PCDH15: variants seen among roughly 807,000 people sequenced by gnomAD.
The protein encoded by PCDH15 is protocadherin-15.
Under a neutral mutation model 178.5 loss-of-function variants are expected in PCDH15, and 129 were observed. The ratio of observed to expected loss-of-function variants is 0.72; its 90% CI spans 0.63 to 0.84. The LOEUF is 0.84. Ranked by LOEUF, PCDH15 falls within the 40% of genes least tolerant of loss-of-function variation. The pLI is 0.00. For missense variants in PCDH15, 2,230 were observed against 2,099.9 expected (o/e 1.06, Z -1.21); for synonymous variants, 800 against 732.0 (o/e 1.09, Z -1.50).
chr10:55,407,890 G>A lies in PCDH15; in HGVS notation c.-156+219735C>T, dbSNP rs547433036. Among the ~76,000 whole-genome samples, 26 of 152,208 alleles carry A rather than the reference G, an allele frequency of 1.7e-4. 1 individual carries two copies. The South Asian group carries it at 5.2e-3, about 30-fold the overall frequency. On this transcript the variant is annotated intron_variant, in intron 2 of 5. Coordinates refer to the PCDH15 transcript ENST00000613346. ...CTTCAACAAGGCCTTTTGACCAAAGGCTATCATCTCTAAGTCTCAAGGACA... is the reference window on the plus strand; with the variant it reads ...CTTCAACAAGGCCTTTTGACCAAAGACTATCATCTCTAAGTCTCAAGGACA...
At chr10:55,266,200 C>CT (rs144993545) in intron 1 of PCDH15, among the ~76,000 whole-genome samples, 38 of 149,054 alleles carry the variant, frequency 2.5e-4, no homozygotes, top group Admixed American at 9.3e-4. Flanking sequence ...CCTTATAAAA[C>CT]TTTTTTTTTT....
At chr10:55,624,873 T>C (rs1355032540) in intron 2 of PCDH15, among the ~76,000 whole-genome samples, 1 of 152,134 alleles carries the variant, frequency 6.6e-6, no homozygotes, top group African/African-American at 2.4e-5. Flanking sequence ...GTTACCTTTG[T>C]GAAGTTTTAT....
chr10:54,057,695 C>T (rs963625253), intron 18 of PCDH15, among the ~76,000 whole-genome samples: 1 of 151,878 alleles, frequency 6.6e-6, no homozygotes, highest in Admixed American at 6.5e-5. Context: ...GCATTTGGCT[C>T]CTCCTTACTT....
intron 19 of PCDH15, 74 bp from the exon 20 acceptor site, chr10:54,020,490 G>A (rs2092883839): frequency 7.2e-7 from 1 of 1,380,274 alleles, no homozygotes; most frequent in South Asian, 1.2e-5. Flanking sequence ...TGGAAGTCAT[G>A]CGTTAGTGCC....
chr10:55,570,360 G>A lies in PCDH15; in HGVS notation c.-156+57265C>T, dbSNP rs902492963. 2.6e-5 allele frequency among the ~76,000 whole-genome samples: 4 copies of A among 151,976 alleles called. No homozygotes were observed. In the East Asian group the frequency reaches 5.8e-4, roughly 22 times the overall value. On this transcript the variant is annotated intron_variant, in intron 2 of 5. Transcript: ENST00000613346. ...CATTTTAGAGCTAGTCTTCATAAGT[G>A]TCTAATACAACACTGGATGATTGTA...
chr10:54,278,873 T>C (rs1034477510), intron 8 of PCDH15, among the ~76,000 whole-genome samples: 1 of 151,656 alleles, frequency 6.6e-6, no homozygotes, highest in Non-Finnish European at 1.5e-5. Context: ...TTTACAAATC[T>C]GCACTTCAAT....
At chr10:53,886,099 G>GA (rs200588561) in intron 26 of PCDH15, among the ~76,000 whole-genome samples, 2,308 of 152,240 alleles carry the variant, frequency 0.015, 82 homozygotes, top group Admixed American at 0.076. Context: ...CAGGGAAAAA[G>GA]AACAACTCAG....
rs35819863 is a variant in PCDH15 at position 54,768,791 on chromosome 10, T to C, written c.-29+32134A>G. ...GTGTATCCCACCTTCCTTGACATTG[T>C]CCTTGTTAGTTTTCCAAACCCATGT... On this transcript the variant is annotated intron_variant, in intron 1 of 37. Transcript: ENST00000644397. Among the ~76,000 whole-genome samples, 196 of 152,246 alleles carry C rather than the reference T, an allele frequency of 1.3e-3. 1 individual carries two copies. The highest frequency in any genetic ancestry group is 3.6e-3 in the African/African-American group (149 of 41,556).
intron 13 of PCDH15, among the ~76,000 whole-genome samples, chr10:54,180,206 C>A (rs1267429147): frequency 6.6e-6 from 1 of 152,168 alleles, no homozygotes; most frequent in African/African-American, 2.4e-5. Flanking sequence ...GACCCATGTG[C>A]ATGAGAATCA....
chr10:53,874,566 C>G (rs1484305709), intron 26 of PCDH15, among the ~76,000 whole-genome samples: 1 of 152,134 alleles, frequency 6.6e-6, no homozygotes, highest in East Asian at 1.9e-4. Flanking sequence ...TAAGAGAAAT[C>G]ATCTATGACT....
chr10:54,142,810 A>G (rs1475460661), intron 14 of PCDH15, among the ~76,000 whole-genome samples: 1 of 152,120 alleles, frequency 6.6e-6, no homozygotes, highest in South Asian at 2.1e-4. Context: ...GCAGGGAAAA[A>G]AAGGAGAGGG....
intron 1 of PCDH15, among the ~76,000 whole-genome samples, chr10:54,741,238 CTAG>C (rs1944769249): frequency 6.6e-6 from 1 of 150,590 alleles, no homozygotes; most frequent in South Asian, 2.1e-4. Context: ...ATACTATATA[CTAG>C]TATACAAAAA....
chr10:55,590,040 A>G (rs897601359), intron 2 of PCDH15, among the ~76,000 whole-genome samples: 2 of 148,192 alleles, frequency 1.3e-5, no homozygotes, highest in African/African-American at 4.9e-5. Context: ...ACTATTCACA[A>G]TAGCAAAGAC....
chr10:55,342,628 CAGGCTTTTAATTTCT>C (rs1470992393), intron 2 of PCDH15, among the ~76,000 whole-genome samples: 1 of 151,904 alleles, frequency 6.6e-6, no homozygotes, highest in East Asian at 1.9e-4. Flanking sequence ...AATAGATAAC[CAGGCTTTTAATTTCT>C]TGTCACACTG....
At chr10:54,524,969 T>C (rs900625668) in intron 3 of PCDH15, among the ~76,000 whole-genome samples, 7 of 152,200 alleles carry the variant, frequency 4.6e-5, no homozygotes, top group Middle Eastern at 3.2e-3. Flanking sequence ...AGTTTATGGA[T>C]CTCTGCCTGT....
At chr10:54,431,686 T>C (rs771810392) in intron 3 of PCDH15, among the ~76,000 whole-genome samples, 14 of 152,174 alleles carry the variant, frequency 9.2e-5, no homozygotes, top group Admixed American at 1.3e-4. Flanking sequence ...TTTCCTCTTA[T>C]ATCTGGATCA....
At chr10:54,672,032 C>T (rs549648935) in intron 1 of PCDH15, among the ~76,000 whole-genome samples, 1 of 152,156 alleles carries the variant, frequency 6.6e-6, no homozygotes, top group Non-Finnish European at 1.5e-5. Flanking sequence ...GGAGGGCAAT[C>T]TCTATTGTGA....
intron 17 of PCDH15, among the ~76,000 whole-genome samples, chr10:54,071,345 T>G (rs1217965216): frequency 1.3e-5 from 2 of 152,194 alleles, no homozygotes; most frequent in Non-Finnish European, 2.9e-5. Flanking sequence ...ATACATTTTC[T>G]TGTTAATCAA....
intron 3 of PCDH15, among the ~76,000 whole-genome samples, chr10:54,427,781 AT>A (rs1223493499): frequency 6.6e-6 from 1 of 152,128 alleles, no homozygotes; most frequent in East Asian, 1.9e-4. Context: ...ATTTATATCA[AT>A]TTTTTTGACC....
Sources: allele counts gnomAD v4.1 joint callset (sites outside exome capture counted in the v4.1 genomes callset), GRCh38; gene constraint gnomAD v4.1.1; transcripts MANE v1.5; gene names NCBI Gene and HGNC (gene_info 2026-07-23, HGNC 2026-07-21).